The following PTPA variants were observed in gnomAD, a reference collection of about 807,000 sequenced individuals.
The protein encoded by PTPA is serine/threonine-protein phosphatase 2A activator.
Under a neutral mutation model 43.6 loss-of-function variants are expected in PTPA, and 13 were observed. The observed-to-expected ratio is 0.30, with a 90% CI of 0.19 to 0.47. The LOEUF is 0.47. Among genes scored for constraint, PTPA ranks in the 20% least tolerant of loss-of-function variants. The pLI is 0.99. For synonymous variants in PTPA, 172 were observed against 158.2 expected (o/e 1.09, Z -0.66); for missense variants, 329 against 411.9 (o/e 0.80, Z 1.74).
At chr9:129,138,223 C>T (rs1449059399) in intron 8 of PTPA, 9 of 175,990 alleles carry the variant, frequency 5.1e-5, no homozygotes, top group East Asian at 4.2e-4. Context: ...CCTGTGGTGG[C>T]AGTCACTGGA....
At chr9:129,132,895 A>C (rs1850076304) in intron 5 of PTPA, among the ~76,000 whole-genome samples, 1 of 152,176 alleles carries the variant, frequency 6.6e-6, no homozygotes, top group South Asian at 2.1e-4. Flanking sequence ...TCAGCCTCCC[A>C]AAGTGCTCAG....
In PTPA at chr9:129,134,584, A is replaced by G. The variant is rs532717304; in HGVS notation, c.461-211A>G. On this transcript the variant is annotated intron_variant, in intron 5 of 9. Coordinates refer to ENST00000393370, the MANE Select transcript of PTPA (RefSeq NM_178000.3). ...CTCCTGAAGTGCTGGGATTACAGGC[A>G]TGAGCCACCATGCACGGCCAGTACT... 3.4e-3 allele frequency among the ~76,000 whole-genome samples: 521 copies of G among 152,256 alleles called. 2 individuals carry two copies. The highest frequency in any genetic ancestry group is 0.017 in the Middle Eastern group (5 of 294).
chr9:129,123,215 T>A (rs780704971), intron 3 of PTPA, 77 bp downstream of exon 3: 10 of 1,298,292 alleles, frequency 7.7e-6, no homozygotes, highest in Non-Finnish European at 9.9e-6. Context: ...GGCTCACCTC[T>A]GTAATCTCAG....
At position 129,147,833 on chromosome 9, in the gene PTPA, T is replaced by G. The variant is rs988745390; in HGVS notation, c.*369T>G. 2 of 235,450 alleles carry G rather than the reference T, an allele frequency of 8.5e-6. No individual in the cohort carries two copies. Among genetic ancestry groups the G allele is most frequent in the African/African-American group, 2.3e-5 (1 of 43,472 alleles). 14.6% of individuals were successfully genotyped at this position (235,450 alleles called of 1,614,324 possible). On this transcript the variant is annotated 3_prime_UTR_variant, in exon 10 of 10. Transcript: ENST00000393370. ...AGCACCGCAGGGAAGGGAGGAGAGA[T>G]ACCTGCTGCTTCCATTGCTTTTCCC...
intron 3 of PTPA, among the ~76,000 whole-genome samples, chr9:129,127,780 G>T (rs976214928): frequency 6.6e-6 from 1 of 152,152 alleles, no homozygotes; most frequent in Non-Finnish European, 1.5e-5. Flanking sequence ...ACGATGATCT[G>T]GCATTTCCAC....
rs982235810 is a variant in PTPA, at chr9:129,123,228, C to T, written c.216+90C>T. ...GTGGCTCACCTCTGTAATCTCAGCA[C>T]CTTGGGAGGCCGAGGCAGGCGGCTC... On this transcript the variant is annotated intron_variant, in intron 3 of 9. Transcript: ENST00000393370. 2.8e-5 allele frequency: 32 copies of T among 1,131,360 alleles called. No homozygotes were observed. In the Admixed American group the frequency reaches 4.8e-4, roughly 17 times the overall value. 70.1% of individuals were successfully genotyped at this position (1,131,360 alleles called of 1,614,324 possible). A position where few individuals can be genotyped will look rare whatever the true frequency, so the allele number is the denominator to read the frequency against.
Position 129,143,834 on chromosome 9 carries a change from C to T in PTPA, c.894+1282C>T, listed in dbSNP as rs542910288. On this transcript the variant is annotated intron_variant, in intron 9 of 9. Coordinates refer to ENST00000393370, the MANE Select transcript of PTPA (RefSeq NM_178000.3). ...CGACTCTGCCCTGGGTCACTGCCCT[C>T]TGGTGTCCTGATGTTCCTGACCCCA... Among the ~76,000 whole-genome samples, 13 of 152,142 alleles carry T rather than the reference C, an allele frequency of 8.5e-5. 2 individuals are homozygous for T. Among genetic ancestry groups the T allele is most frequent in the Admixed American group, 7.2e-4 (11 of 15,290 alleles).
Position 129,131,531 on chromosome 9 carries a change from A to G in PTPA, c.352A>G (p.Asn118Asp), listed in dbSNP as rs1410545499. The G allele has an allele frequency of 3.7e-6, 6 of 1,613,620 alleles. No homozygotes were observed. The highest frequency in any genetic ancestry group is 5.1e-6 in the Non-Finnish European group (6 of 1,180,012). ...TCTCTTGTGTTACCAGGAAGCAGAA[A>G]ACTTGGTGGCCACAGTGGTCCCTAC... Reference protein sequence around the residue: ...WYAKLDEEAENLVATVVPTHL... With the variant: ...WYAKLDEEAEDLVATVVPTHL... Residue 118 changes from asparagine (N) to aspartate (D), a missense_variant, in exon 5 of 10, where the codon AAC (asparagine) becomes GAC (aspartate). Coordinates refer to ENST00000393370, the MANE Select transcript of PTPA (RefSeq NM_178000.3).
At chr9:129,134,712 C>T in intron 5 of PTPA, 83 bp from the exon 6 acceptor site, 2 of 1,132,554 alleles carry the variant, frequency 1.8e-6, no homozygotes, top group South Asian at 1.4e-5. Flanking sequence ...GGGCACTTAT[C>T]AATGATTCGG....
Position 129,120,531 on chromosome 9 carries a change from C to G in PTPA, c.50C>G (p.Pro17Arg), listed in dbSNP as rs771444261. The G allele has an allele frequency of 3.1e-6, 5 of 1,613,520 alleles. No homozygotes were observed. The South Asian group carries it at 3.3e-5, about 11-fold the overall frequency. ...TGTCAAGATTCTTCAGAGGAGGCCCCTCCAGCCACTCAGAACTTCATCATT... is the reference window on the plus strand; with the variant it reads ...TGTCAAGATTCTTCAGAGGAGGCCCGTCCAGCCACTCAGAACTTCATCATT... ...QPPPDSSEEA[P>R]PATQNFIIPK... Residue 17 changes from proline to arginine, a missense_variant, in exon 2 of 10, where the codon CCT (proline) becomes CGT (arginine). Pro to Arg is a moderately radical substitution (Grantham distance 103). Coordinates refer to ENST00000393370, the MANE Select transcript of PTPA (RefSeq NM_178000.3).
chr9:129,128,153 A>AACACCATTTAGC, intron 3 of PTPA: 2 of 897,696 alleles, frequency 2.2e-6, no homozygotes, highest in Non-Finnish European at 3.2e-6. Flanking sequence ...CAGCAGCTAA[A>AACACCATTTAGC]TGGTGTTTTA....
At chr9:129,140,029 G>A (rs1850653913) in intron 8 of PTPA, 1 of 152,528 alleles carries the variant, frequency 6.6e-6, no homozygotes, top group Non-Finnish European at 1.5e-5. Context: ...GGAAGGGAAG[G>A]AGCTGACAGG....
At position 129,137,701 on chromosome 9, in the gene PTPA, G is replaced by C; in HGVS notation, c.786+9G>C. ...TCCTGTTTATTACCGAGGTGAGGAGGAGGGGTGAGAGAGAAGCCCATGGCT... is the reference window on the plus strand; with the variant it reads ...TCCTGTTTATTACCGAGGTGAGGAGCAGGGGTGAGAGAGAAGCCCATGGCT... On this transcript the variant is annotated intron_variant, in intron 8 of 9. Transcript: ENST00000393370. 6.3e-7 allele frequency: 1 copy of C among 1,581,568 alleles called. No individual in the cohort carries two copies. Among genetic ancestry groups the C allele is most frequent in the Non-Finnish European group, 8.6e-7 (1 of 1,157,700 alleles).
intron 9 of PTPA, among the ~76,000 whole-genome samples, chr9:129,146,066 A>C (rs757740023): frequency 1.1e-3 from 122 of 108,868 alleles, no homozygotes; most frequent in Non-Finnish European, 1.8e-3. Flanking sequence ...AGCTAGAGGG[A>C]GGTTGACCTT....
At chr9:129,138,847 G>A (rs569063159) in intron 8 of PTPA, among the ~76,000 whole-genome samples, 2 of 152,360 alleles carry the variant, frequency 1.3e-5, no homozygotes, top group East Asian at 3.9e-4. Flanking sequence ...AAATGGAGCC[G>A]GGACTGACGG....
chr9:129,113,767 G>C (rs1848697897), intron 1 of PTPA, among the ~76,000 whole-genome samples: 1 of 152,080 alleles, frequency 6.6e-6, no homozygotes, highest in African/African-American at 2.4e-5. Flanking sequence ...CTGGGCGAGA[G>C]AGCTAGACTC....
chr9:129,123,866 A>G (rs941514421), intron 3 of PTPA, among the ~76,000 whole-genome samples: 2 of 152,048 alleles, frequency 1.3e-5, no homozygotes, highest in East Asian at 3.9e-4. Context: ...TATTTTTAGT[A>G]GAGACGGGGT....
At chr9:129,130,549 T>C (rs1211452461) in intron 4 of PTPA, among the ~76,000 whole-genome samples, 1 of 151,980 alleles carries the variant, frequency 6.6e-6, no homozygotes, top group Non-Finnish European at 1.5e-5. Context: ...TGCGCCACCA[T>C]GCTTGGCTAA....
At chr9:129,119,870 A>G (rs2131552434) in intron 1 of PTPA, 1 of 152,426 alleles carries the variant, frequency 6.6e-6, no homozygotes, top group Non-Finnish European at 1.5e-5. Context: ...GAGGGAGGGC[A>G]GGAGGCTGTG....
Sources: gnomAD v4.1 joint callset for allele counts (sites outside exome capture counted in the v4.1 genomes callset) on GRCh38, gnomAD v4.1.1 for gene constraint, MANE v1.5 for transcripts, NCBI Gene and HGNC (gene_info 2026-07-23, HGNC 2026-07-21) for gene names.